HTR2C: variants seen among roughly 807,000 people sequenced by gnomAD.
The protein encoded by HTR2C is 5-hydroxytryptamine receptor 2C.
HTR2C carries 5 observed loss-of-function variants against 21.0 expected under a neutral mutation model. That is an observed-to-expected ratio of 0.24 (90% CI 0.12 to 0.50). The LOEUF is 0.50. Ranked by LOEUF, HTR2C falls within the 20% of genes least tolerant of loss-of-function variation. The probability of loss-of-function intolerance (pLI) is 0.98; values close to 1 mark genes in which losing one functional copy is unlikely to be tolerated. For synonymous variants in HTR2C, 150 were observed against 145.3 expected (o/e 1.03, Z -0.23); for missense variants, 271 against 371.2 (o/e 0.73, Z 2.22).
intron 2 of HTR2C, among the ~76,000 whole-genome samples, chrX:114,616,847 A>G (rs1382492136): frequency 8.9e-6 from 1 of 111,993 alleles, no homozygotes; most frequent in Non-Finnish European, 1.9e-5. Context: ...GGTAAACATT[A>G]TTTTTTTCTG....
chrX:114,806,820 GTA>G (rs1278065575), intron 4 of HTR2C, among the ~76,000 whole-genome samples: 1 of 88,602 alleles, frequency 1.1e-5, no homozygotes, highest in African/African-American at 4.3e-5. Flanking sequence ...TATATATACT[GTA>G]TATATATACA....
At chrX:114,814,737 A>G (rs1487261550) in intron 4 of HTR2C, among the ~76,000 whole-genome samples, 1 of 103,818 alleles carries the variant, frequency 9.6e-6, no homozygotes, top group Non-Finnish European at 1.9e-5. Context: ...AGTTTCACAG[A>G]ACATCTAATA....
chrX:114,791,564 T>C (rs782419734), intron 4 of HTR2C, among the ~76,000 whole-genome samples: 1 of 111,607 alleles, frequency 9.0e-6, no homozygotes, highest in African/African-American at 3.2e-5. Context: ...AATTCAAAAC[T>C]ATAAGCAGGA....
intron 4 of HTR2C, among the ~76,000 whole-genome samples, chrX:114,804,773 C>A (rs1164164602): frequency 1.8e-5 from 2 of 111,255 alleles, no homozygotes; most frequent in Non-Finnish European, 3.8e-5. Flanking sequence ...AAGCAGAAAA[C>A]AATTCAAAAA....
At chrX:114,610,632 G>A (rs1928684518) in intron 1 of HTR2C, among the ~76,000 whole-genome samples, 1 of 111,312 alleles carries the variant, frequency 9.0e-6, no homozygotes, top group African/African-American at 3.3e-5. Flanking sequence ...TAATATGTAC[G>A]GCAAGGTTAT....
intron 1 of HTR2C, among the ~76,000 whole-genome samples, chrX:114,606,186 G>C (rs1459757783): frequency 9.0e-6 from 1 of 110,795 alleles, no homozygotes; most frequent in African/African-American, 3.3e-5. Flanking sequence ...AGGAGAAGGG[G>C]TTGGGGTACT....
At chrX:114,901,857 T>G (rs2071339218) in intron 5 of HTR2C, among the ~76,000 whole-genome samples, 1 of 111,521 alleles carries the variant, frequency 9.0e-6, no homozygotes, top group Non-Finnish European at 1.9e-5. Context: ...ACCTAATAAT[T>G]TATTTTTTTT....
At chrX:114,852,394 G>T (rs2070925645) in intron 5 of HTR2C, among the ~76,000 whole-genome samples, 1 of 106,089 alleles carries the variant, frequency 9.4e-6, no homozygotes. Flanking sequence ...AGTTTCTAGG[G>T]CATACTTCTT....
intron 2 of HTR2C, among the ~76,000 whole-genome samples, chrX:114,630,441 T>A (rs1224466295): frequency 8.9e-6 from 1 of 112,157 alleles, no homozygotes; most frequent in African/African-American, 3.2e-5. Context: ...GTTTAACAAC[T>A]AATGTCAGGT....
At chrX:114,731,726 G>A (rs892569210) in intron 4 of HTR2C, 119 bp downstream of exon 4, 11 of 531,403 alleles carry the variant, frequency 2.1e-5, no homozygotes, top group Admixed American at 2.0e-4. Flanking sequence ...AAAGCAAATC[G>A]TGTGACAGAA....
chrX:114,657,781 T>A (rs1486575004), intron 2 of HTR2C, among the ~76,000 whole-genome samples: 1 of 111,759 alleles, frequency 8.9e-6, no homozygotes, highest in Non-Finnish European at 1.9e-5. Flanking sequence ...TTATTCTCAT[T>A]TTTTTAAGGT....
intron 2 of HTR2C, among the ~76,000 whole-genome samples, chrX:114,726,560 T>G (rs1933496225): frequency 8.9e-6 from 1 of 112,446 alleles, no homozygotes; most frequent in Non-Finnish European, 1.9e-5. Context: ...TATTCTTAAT[T>G]TCTTTTTCAA....
intron 4 of HTR2C, among the ~76,000 whole-genome samples, chrX:114,809,197 CACCCAAGCTACGGGACA>C (rs1364934115): frequency 1.0e-4 from 11 of 110,516 alleles, no homozygotes; most frequent in Non-Finnish European, 1.9e-4. Context: ...GCTGAGCTGA[CACCCAAGCTACGGGACA>C]AAGTTCTTCC....
intron 4 of HTR2C, among the ~76,000 whole-genome samples, chrX:114,786,399 T>G (rs2147407283): frequency 8.9e-6 from 1 of 112,011 alleles, no homozygotes; most frequent in South Asian, 3.7e-4. Context: ...TGCTAGTAAT[T>G]ATCCCAAGCT....
intron 2 of HTR2C, among the ~76,000 whole-genome samples, chrX:114,626,227 A>AAAAATAAT (rs1556402785): frequency 3.9e-5 from 4 of 103,339 alleles, no homozygotes; most frequent in African/African-American, 1.1e-4. Flanking sequence ...AAAAAAAAAA[A>AAAAATAAT]AATAATAAAA....
At chrX:114,745,622 T>TA (rs1189103519) in intron 4 of HTR2C, among the ~76,000 whole-genome samples, 1 of 111,952 alleles carries the variant, frequency 8.9e-6, no homozygotes, top group Non-Finnish European at 1.9e-5. Context: ...TATTTAGCCA[T>TA]AAAAAAGGAG....
intron 4 of HTR2C, among the ~76,000 whole-genome samples, chrX:114,799,772 A>C (rs782718881): frequency 3.6e-5 from 4 of 110,895 alleles, no homozygotes; most frequent in African/African-American, 9.8e-5. Context: ...GTTTTCAAGG[A>C]ATCATATAAT....
chrX:114,683,238 G>T (rs1177584923), intron 2 of HTR2C, among the ~76,000 whole-genome samples: 1 of 111,736 alleles, frequency 8.9e-6, no homozygotes, highest in East Asian at 2.8e-4. Flanking sequence ...AAAAATAAAT[G>T]ATGAATATAA....
chrX:114,713,148 C>T (rs1932917030), intron 2 of HTR2C, among the ~76,000 whole-genome samples: 1 of 111,471 alleles, frequency 9.0e-6, no homozygotes, highest in African/African-American at 3.2e-5. Context: ...AGTGATCCTC[C>T]ATAACACCAT....
Sources: gnomAD v4.1 joint callset for allele counts (sites outside exome capture counted in the v4.1 genomes callset) on GRCh38, gnomAD v4.1.1 for gene constraint, MANE v1.5 for transcripts, NCBI Gene and HGNC (gene_info 2026-07-23, HGNC 2026-07-21) for gene names.